COP1: variants seen among roughly 807,000 people sequenced by gnomAD.
The protein encoded by COP1 is E3 ubiquitin-protein ligase COP1.
In COP1, 24 loss-of-function variants were observed where a neutral mutation model predicts 101.3. The observed-to-expected ratio is 0.24, with a 90% CI of 0.17 to 0.33. COP1 has a LOEUF of 0.33. COP1 is among the 10% of genes least tolerant of loss of function. COP1 has a pLI of 1.00. For missense variants in COP1, 663 were observed against 906.2 expected (o/e 0.73, Z 3.45); for synonymous variants, 347 against 341.9 (o/e 1.01, Z -0.17).
chr1:176,171,158 T>C (rs530487652), intron 3 of COP1, among the ~76,000 whole-genome samples: 1 of 150,278 alleles, frequency 6.7e-6, no homozygotes, highest in South Asian at 2.1e-4. Context: ...AGTAGGCTGT[T>C]ATATCTACAC....
At chr1:176,047,468 A>G (rs1380874962) in intron 11 of COP1, among the ~76,000 whole-genome samples, 1 of 152,172 alleles carries the variant, frequency 6.6e-6, no homozygotes, top group Non-Finnish European at 1.5e-5. Context: ...GCTGGTGCTA[A>G]TAATTACTAT....
intron 15 of COP1, among the ~76,000 whole-genome samples, chr1:175,992,564 G>C (rs1237500051): frequency 6.6e-6 from 1 of 152,220 alleles, no homozygotes; most frequent in African/African-American, 2.4e-5. Context: ...TTTACCGACA[G>C]GCTTAAAAAA....
chr1:176,175,590 C>T (rs952665019), intron 3 of COP1, among the ~76,000 whole-genome samples: 1 of 152,200 alleles, frequency 6.6e-6, no homozygotes, highest in Non-Finnish European at 1.5e-5. Context: ...CAGTAGTGCT[C>T]GCTCACCTGC....
At chr1:175,961,098 G>C (rs1055267885) in intron 18 of COP1, among the ~76,000 whole-genome samples, 8 of 152,218 alleles carry the variant, frequency 5.3e-5, no homozygotes, top group Admixed American at 4.6e-4. Flanking sequence ...TCTGGGACTT[G>C]CATCAATGGG....
chr1:176,138,564 GCTGCTCAATTGATA>G (rs1404258415), intron 6 of COP1, among the ~76,000 whole-genome samples: 4 of 152,054 alleles, frequency 2.6e-5, no homozygotes, highest in African/African-American at 7.2e-5. Flanking sequence ...TCAAATAACA[GCTGCTCAATTGATA>G]CTGCTCAATT....
intron 18 of COP1, among the ~76,000 whole-genome samples, chr1:175,959,546 A>T (rs963728888): frequency 6.6e-6 from 1 of 151,356 alleles, no homozygotes; most frequent in Non-Finnish European, 1.5e-5. Flanking sequence ...TTGTGTGCAT[A>T]AAAAAATCCA....
chr1:175,971,413 G>A (rs759127877), intron 18 of COP1, among the ~76,000 whole-genome samples: 28 of 152,112 alleles, frequency 1.8e-4, no homozygotes, highest in Non-Finnish European at 4.0e-4. Context: ...ACAGAAAAGA[G>A]CTCAAAAACT....
Position 175,972,116 on chromosome 1 carries a change from T to TAAC in COP1, c.2133+14824_2133+14826dup, listed in dbSNP as rs560198084. On this transcript the variant is annotated intron_variant, in intron 18 of 19. Coordinates refer to ENST00000367669, the MANE Select transcript of COP1 (RefSeq NM_022457.7). ...CAAAAGGAGAGAATTATGTAACCCA[T>TAAC]AACAACAACAACAACAACAACAAAT... 1.8e-3 allele frequency among the ~76,000 whole-genome samples: 267 copies of TAAC among 152,010 alleles called. 3 individuals carry two copies. The highest frequency in any genetic ancestry group is 5.7e-3 in the African/African-American group (237 of 41,440).
intron 9 of COP1, 146 bp downstream of exon 9, chr1:176,116,478 A>C (rs1309894451): frequency 1.5e-5 from 9 of 586,014 alleles, no homozygotes; most frequent in Non-Finnish European, 2.8e-5. Flanking sequence ...ACCATTATGC[A>C]TAAGAGCTAT....
intron 18 of COP1, among the ~76,000 whole-genome samples, chr1:175,954,294 T>C (rs940339664): frequency 4.6e-5 from 7 of 152,156 alleles, no homozygotes; most frequent in South Asian, 2.1e-4. Flanking sequence ...TAGAAAGTTA[T>C]AGCTTCCAAT....
intron 6 of COP1, among the ~76,000 whole-genome samples, chr1:176,143,150 G>GAGCGAGAGAA (rs1553286893): frequency 6.3e-4 from 95 of 151,546 alleles, no homozygotes; most frequent in African/African-American, 2.1e-3. Flanking sequence ...GAGAGAAAGA[G>GAGCGAGAGAA]AGAGAGAGAG....
chr1:176,069,706 G>C (rs542718095), intron 11 of COP1, among the ~76,000 whole-genome samples: 172 of 152,260 alleles, frequency 1.1e-3, no homozygotes, highest in African/African-American at 4.0e-3. Context: ...ATCTAAAAAA[G>C]TACCTGCCTC....
intron 14 of COP1, among the ~76,000 whole-genome samples, chr1:176,028,904 C>T (rs1249865792): frequency 6.6e-6 from 1 of 151,090 alleles, no homozygotes; most frequent in East Asian, 1.9e-4. Flanking sequence ...TGTGTGTCAC[C>T]AGGCCTAGCT....
At chr1:176,028,306 T>C (rs1035879040) in intron 14 of COP1, among the ~76,000 whole-genome samples, 40 of 152,078 alleles carry the variant, frequency 2.6e-4, no homozygotes, top group African/African-American at 8.2e-4. Context: ...GGCTCATGAC[T>C]GTAATCACAG....
chr1:176,063,047 GTTTT>G (rs34464104), intron 11 of COP1, among the ~76,000 whole-genome samples: 2 of 90,604 alleles, frequency 2.2e-5, no homozygotes, highest in African/African-American at 4.4e-5. Flanking sequence ...TTTTGAAAAT[GTTTT>G]TTTTTTTTTT....
intron 8 of COP1, among the ~76,000 whole-genome samples, chr1:176,119,054 A>G (rs1345578253): frequency 6.6e-6 from 1 of 152,236 alleles, no homozygotes; most frequent in Non-Finnish European, 1.5e-5. Flanking sequence ...GAACTTAACC[A>G]TATAAAGAAT....
At chr1:175,964,137 A>G (rs1651716742) in intron 18 of COP1, among the ~76,000 whole-genome samples, 1 of 152,196 alleles carries the variant, frequency 6.6e-6, no homozygotes, top group African/African-American at 2.4e-5. Flanking sequence ...AGGCACAGAA[A>G]GGTTAAATAA....
At chr1:176,112,454 A>G (rs963239224) in intron 9 of COP1, among the ~76,000 whole-genome samples, 3 of 152,190 alleles carry the variant, frequency 2.0e-5, no homozygotes, top group African/African-American at 4.8e-5. Context: ...ATGGTTGTGC[A>G]TATCTGTGGG....
intron 8 of COP1, among the ~76,000 whole-genome samples, chr1:176,132,285 T>G (rs1400220066): frequency 1.3e-5 from 2 of 151,832 alleles, no homozygotes; most frequent in Non-Finnish European, 2.9e-5. Flanking sequence ...TTTACTTGAT[T>G]AATGTGTCAA....
Sources: gnomAD v4.1 joint callset for allele counts (sites outside exome capture counted in the v4.1 genomes callset) on GRCh38, gnomAD v4.1.1 for gene constraint, MANE v1.5 for transcripts, NCBI Gene and HGNC (gene_info 2026-07-23, HGNC 2026-07-21) for gene names.